The following RNLS variants were observed in gnomAD, a reference collection of about 807,000 sequenced individuals.
RNLS encodes renalase, FAD dependent amine oxidase.
In RNLS, 39 loss-of-function variants were observed where a neutral mutation model predicts 39.8. That is an observed-to-expected ratio of 0.98 (90% CI 0.76 to 1.28). The LOEUF is 1.28. Among genes scored for constraint, RNLS ranks in the 50% most tolerant of loss-of-function variants. The pLI is 0.00. For synonymous variants in RNLS, 147 were observed against 150.7 expected (o/e 0.98, Z 0.18); for missense variants, 410 against 413.3 (o/e 0.99, Z 0.07).
chr10:88,499,396 C>T (rs1009493671), intron 4 of RNLS, among the ~76,000 whole-genome samples: 15 of 152,128 alleles, frequency 9.9e-5, no homozygotes, highest in African/African-American at 3.6e-4. Context: ...CTGAGCATTT[C>T]TTTATAGTTC....
At chr10:88,463,496 C>T (rs1843043551) in intron 4 of RNLS, among the ~76,000 whole-genome samples, 1 of 152,004 alleles carries the variant, frequency 6.6e-6, no homozygotes, top group Non-Finnish European at 1.5e-5. Context: ...TTAAGCCACC[C>T]AGTCTGTGGT....
chr10:88,510,695 T>C (rs1054502258), intron 4 of RNLS, among the ~76,000 whole-genome samples: 3 of 151,872 alleles, frequency 2.0e-5, no homozygotes, highest in South Asian at 2.1e-4. Flanking sequence ...ATATAAAAAA[T>C]TAGCCGGGCA....
chr10:88,203,246 G>A, the RNLS span, among the ~76,000 whole-genome samples: 28 of 28,604 alleles, frequency 9.8e-4, 1 homozygote, highest in African/African-American at 5.9e-3. Context: ...GTGTGTGTGT[G>A]TGTGTGTGTG....
intron 3 of RNLS, among the ~76,000 whole-genome samples, chr10:88,575,754 T>C (rs1027921699): frequency 1.4e-4 from 22 of 152,128 alleles, no homozygotes; most frequent in African/African-American, 5.3e-4. Context: ...TTAGTAAATT[T>C]GACCATGTCC....
intron 5 of RNLS, among the ~76,000 whole-genome samples, chr10:88,339,245 T>C (rs998291558): frequency 2.6e-5 from 4 of 152,184 alleles, no homozygotes; most frequent in African/African-American, 9.7e-5. Flanking sequence ...AATCTCTTCT[T>C]GAGCAAATAA....
intron 4 of RNLS, among the ~76,000 whole-genome samples, chr10:88,511,189 C>G (rs1256057657): frequency 6.6e-6 from 1 of 152,098 alleles, no homozygotes; most frequent in Non-Finnish European, 1.5e-5. Flanking sequence ...CCTTCTACAG[C>G]TGCACTGAGA....
the RNLS span, among the ~76,000 whole-genome samples, chr10:88,249,331 G>A: frequency 1.5e-4 from 23 of 152,268 alleles, no homozygotes; most frequent in Admixed American, 3.9e-4. Context: ...ATTACCTGCC[G>A]TTGCTAATCT....
chr10:88,254,831 C>T, the RNLS span, among the ~76,000 whole-genome samples: 1 of 152,190 alleles, frequency 6.6e-6, no homozygotes, highest in Non-Finnish European at 1.5e-5. Context: ...ATTTTACAGT[C>T]TATGGTCTTA....
the RNLS span, among the ~76,000 whole-genome samples, chr10:88,218,789 C>T: frequency 3.9e-5 from 6 of 152,186 alleles, no homozygotes; most frequent in African/African-American, 1.4e-4. Flanking sequence ...GGAAGCCTTC[C>T]TCTTTGTTTC....
intron 4 of RNLS, among the ~76,000 whole-genome samples, chr10:88,459,813 A>G (rs1842844337): frequency 6.6e-6 from 1 of 152,194 alleles, no homozygotes; most frequent in Non-Finnish European, 1.5e-5. Context: ...TGTACTCACG[A>G]TTAAAGGGCA....
rs371905597 is a variant in RNLS, at chr10:88,380,399, G to A, written c.527-17674C>T. Reference sequence around the variant, plus strand: ...TTTTTTTTTTTTTTTTTGAGACGACGGAGTCTCTCTCTGTCACCCAGGCTG... The same window carrying A: ...TTTTTTTTTTTTTTTTTGAGACGACAGAGTCTCTCTCTGTCACCCAGGCTG... On this transcript the variant is annotated intron_variant, in intron 4 of 6. Coordinates refer to ENST00000331772, the MANE Select transcript of RNLS (RefSeq NM_001031709.3). Among the ~76,000 whole-genome samples the A allele has an allele frequency of 2.8e-3, 343 of 123,370 alleles. 2 individuals are homozygous for A. Among genetic ancestry groups the A allele is most frequent in the African/African-American group, 0.011 (326 of 30,638 alleles). 80.9% of individuals were successfully genotyped at this position (123,370 alleles called of 152,430 possible). A position where few individuals can be genotyped will look rare whatever the true frequency, so the allele number is the denominator to read the frequency against.
chr10:88,575,861 T>C (rs1317984792), intron 3 of RNLS, among the ~76,000 whole-genome samples: 1 of 152,174 alleles, frequency 6.6e-6, no homozygotes, highest in Non-Finnish European at 1.5e-5. Context: ...GGCCCTGCCT[T>C]AGTCTTGAGC....
intron 5 of RNLS, among the ~76,000 whole-genome samples, chr10:88,351,820 T>G (rs1170260809): frequency 2.0e-5 from 3 of 152,232 alleles, no homozygotes; most frequent in Non-Finnish European, 4.4e-5. Flanking sequence ...ATGATATTGA[T>G]TCTTCCTATC....
At chr10:88,491,220 T>A (rs1315669754) in intron 4 of RNLS, among the ~76,000 whole-genome samples, 1 of 152,164 alleles carries the variant, frequency 6.6e-6, no homozygotes, top group Non-Finnish European at 1.5e-5. Flanking sequence ...GGATTTCCAG[T>A]CTCACTCTTC....
chr10:88,423,343 T>C (rs1245260108), intron 4 of RNLS, among the ~76,000 whole-genome samples: 1 of 152,188 alleles, frequency 6.6e-6, no homozygotes, highest in Non-Finnish European at 1.5e-5. Context: ...ACAGGTTCTG[T>C]TCATTTGGAC....
the RNLS span, among the ~76,000 whole-genome samples, chr10:88,213,642 G>A: frequency 1.1e-3 from 162 of 152,094 alleles, 1 homozygote; most frequent in African/African-American, 3.7e-3. Flanking sequence ...GTTTTCTCTT[G>A]AAACTCCCCA....
At position 88,310,824 on chromosome 10, in the gene RNLS, A is replaced by AAAAAAAAAAAAAAAAAAAAAAG. The variant is rs1217903555; in HGVS notation, c.876+3641_876+3642insCTTTTTTTTTTTTTTTTTTTTT. On this transcript the variant is annotated intron_variant, in intron 6 of 6. Transcript: ENST00000331772. ...GCCAAAAAAAAAAAAAAAAAAAAAA[A>AAAAAAAAAAAAAAAAAAAAAAG]AAAGAAAGAAAAGGAAGAGAAAAGG... is the stretch of plus-strand genomic sequence containing the variant. Among the ~76,000 whole-genome samples the AAAAAAAAAAAAAAAAAAAAAAG allele has an allele frequency of 2.9e-3, 332 of 113,324 alleles. 20 individuals are homozygous for AAAAAAAAAAAAAAAAAAAAAAG. Among genetic ancestry groups the AAAAAAAAAAAAAAAAAAAAAAG allele is most frequent in the South Asian group, 7.1e-3 (22 of 3,088 alleles). The allele number at this position is 113,324 out of a possible 152,430, so 74.3% of individuals were successfully genotyped here.
At chr10:88,172,842 GT>G in the RNLS span, among the ~76,000 whole-genome samples, 55 of 43,746 alleles carry the variant, frequency 1.3e-3, no homozygotes, top group African/African-American at 6.2e-3. Flanking sequence ...ATTTTGAGTT[GT>G]TTTTTTTTTT....
At chr10:88,245,935 C>G in the RNLS span, among the ~76,000 whole-genome samples, 1 of 152,148 alleles carries the variant, frequency 6.6e-6, no homozygotes. Flanking sequence ...GCATCCCAAC[C>G]TAATTTCCTG....
Sources: allele counts gnomAD v4.1 joint callset (sites outside exome capture counted in the v4.1 genomes callset), GRCh38; gene constraint gnomAD v4.1.1; transcripts MANE v1.5; gene names NCBI Gene and HGNC (gene_info 2026-07-23, HGNC 2026-07-21).